Variants in ANKDD1B observed in about 807,000 individuals in gnomAD.
ANKDD1B encodes the protein ankyrin repeat and death domain-containing protein 1B.
ANKDD1B carries 57 observed loss-of-function variants against 59.7 expected under a neutral mutation model. The observed-to-expected ratio is 0.95, with a 90% CI of 0.77 to 1.19. The LOEUF (loss-of-function observed/expected upper bound fraction) is 1.19, where lower values mean the gene tolerates loss of function less well. ANKDD1B is among the 50% of genes most tolerant of loss of function. The probability of loss-of-function intolerance (pLI) is 0.00; values close to 1 mark genes in which losing one functional copy is unlikely to be tolerated. For missense variants in ANKDD1B, 602 were observed against 641.9 expected, an observed-to-expected ratio of 0.94 and a Z score of 0.67; for synonymous variants, 216 against 239.5, an observed-to-expected ratio of 0.90 and a Z score of 0.91.
chr5:75,661,917 T>TTC (rs1363593021), intron 10 of ANKDD1B, among the ~76,000 whole-genome samples: 1 of 149,914 alleles, frequency 6.7e-6, no homozygotes, highest in Non-Finnish European at 1.5e-5. Flanking sequence ...TTTTTTTTTT[T>TTC]TTTTTTTGCC....
chr5:75,659,405 T>C, intron 10 of ANKDD1B, 24 bp downstream of exon 10: 1 of 1,483,796 alleles, frequency 6.7e-7, no homozygotes, highest in Non-Finnish European at 9.1e-7. Flanking sequence ...CTTTACTCCA[T>C]TCAGCTGAGA....
intron 7 of ANKDD1B, among the ~76,000 whole-genome samples, chr5:75,636,546 A>T (rs1774309545): frequency 6.6e-6 from 1 of 152,154 alleles, no homozygotes; most frequent in Non-Finnish European, 1.5e-5. Context: ...GCCAGCAGAT[A>T]CCTTGAAGGG....
At chr5:75,628,828 C>A (rs746872059) in intron 5 of ANKDD1B, among the ~76,000 whole-genome samples, 10 of 152,286 alleles carry the variant, frequency 6.6e-5, no homozygotes, top group African/African-American at 2.4e-4. Flanking sequence ...GAGATTAGAG[C>A]AGCCAGGAGT....
chr5:75,620,104 T>C (rs1425243848), intron 2 of ANKDD1B, among the ~76,000 whole-genome samples: 1 of 152,196 alleles, frequency 6.6e-6, no homozygotes, highest in East Asian at 1.9e-4. Flanking sequence ...TGTCCTTCAG[T>C]GGACTGCCAA....
At chr5:75,636,888 T>C (rs565066831) in intron 7 of ANKDD1B, among the ~76,000 whole-genome samples, 21 of 152,060 alleles carry the variant, frequency 1.4e-4, no homozygotes, top group African/African-American at 5.1e-4. Context: ...TAATGAGGGC[T>C]TGAATGGGTT....
At chr5:75,661,136 C>T (rs1775126928) in intron 10 of ANKDD1B, among the ~76,000 whole-genome samples, 1 of 150,644 alleles carries the variant, frequency 6.6e-6, no homozygotes, top group Non-Finnish European at 1.5e-5. Context: ...CGGTGGCTCA[C>T]ACCTGTAATC....
At chr5:75,638,095 T>C (rs1317838650) in intron 7 of ANKDD1B, among the ~76,000 whole-genome samples, 1 of 152,198 alleles carries the variant, frequency 6.6e-6, no homozygotes, top group Non-Finnish European at 1.5e-5. Context: ...GACACAAATA[T>C]TCAAACCAGA....
At position 75,648,271 on chromosome 5, in the gene ANKDD1B, A is replaced by AAAAAAAAAATT. The variant is rs1397902903; in HGVS notation, c.799-4862_799-4861insTTAAAAAAAAA. On this transcript the variant is annotated intron_variant, in intron 7 of 13. Coordinates refer to ENST00000601380, the MANE Select transcript of ANKDD1B (RefSeq NM_001276713.2). ...GTATAATTAAAAAAAAAAAATTAAA[A>AAAAAAAAAATT]AAAAAAAAAAAAGAATTCATGGGAG... Among the ~76,000 whole-genome samples, 253 of 49,150 alleles carry AAAAAAAAAATT rather than the reference A, an allele frequency of 5.1e-3. 1 individual carries two copies. The highest frequency in any genetic ancestry group is 0.021 in the Middle Eastern group (1 of 48). The allele number at this position is 49,150 out of a possible 152,430, so 32.2% of individuals were successfully genotyped here. A position where few individuals can be genotyped will look rare whatever the true frequency, so the allele number is the denominator to read the frequency against.
chr5:75,668,102 A>T (rs1775360054), intron 12 of ANKDD1B, among the ~76,000 whole-genome samples: 1 of 152,192 alleles, frequency 6.6e-6, no homozygotes, highest in South Asian at 2.1e-4. Flanking sequence ...CTCTAACTTG[A>T]CCTAAAGAGA....
intron 3 of ANKDD1B, among the ~76,000 whole-genome samples, chr5:75,624,470 C>G (rs1773935307): frequency 6.6e-6 from 1 of 152,190 alleles, no homozygotes. Context: ...ATTTGGTAGA[C>G]AAGTCAGCAT....
chr5:75,634,961 A>AC lies in ANKDD1B; in HGVS notation c.666dup (p.Phe223LeufsTer41). On this transcript the variant is annotated frameshift_variant, in exon 6 of 14. Transcript: ENST00000601380. LOFTEE classifies it high-confidence loss of function. Reference sequence around the variant, plus strand: ...CCATGTTGAAATGATAGAAAAACTTACCTTCCTAAACCTGCATACTTCAGA... The same window carrying AC: ...CCATGTTGAAATGATAGAAAAACTTACCCTTCCTAAACCTGCATACTTCAGA... 2 of 1,535,382 alleles carry AC rather than the reference A, an allele frequency of 1.3e-6. No homozygotes were observed. Among genetic ancestry groups the AC allele is most frequent in the Non-Finnish European group, 1.7e-6 (2 of 1,146,212 alleles).
At chr5:75,629,445 G>C (rs958463167) in intron 5 of ANKDD1B, among the ~76,000 whole-genome samples, 2 of 152,128 alleles carry the variant, frequency 1.3e-5, no homozygotes, top group Non-Finnish European at 2.9e-5. Context: ...ACATCTCAGG[G>C]ATCCCTGTGG....
intron 9 of ANKDD1B, among the ~76,000 whole-genome samples, chr5:75,658,807 CATTTTAACCATCT>C (rs1415247464): frequency 1.3e-5 from 2 of 152,046 alleles, no homozygotes; most frequent in Non-Finnish European, 2.9e-5. Context: ...TAAAATCCAC[CATTTTAACCATCT>C]TAAGTGTACA....
At chr5:75,649,694 C>G (rs766577290) in intron 7 of ANKDD1B, among the ~76,000 whole-genome samples, 5 of 152,176 alleles carry the variant, frequency 3.3e-5, no homozygotes, top group Admixed American at 1.3e-4. Context: ...GTCACCTTAT[C>G]CAAGAAGGCT....
chr5:75,628,116 T>G (rs1774040344), intron 5 of ANKDD1B, among the ~76,000 whole-genome samples: 1 of 152,146 alleles, frequency 6.6e-6, no homozygotes, highest in South Asian at 2.1e-4. Flanking sequence ...ACTAAATTGA[T>G]GAATAGAAAA....
intron 5 of ANKDD1B, 47 bp from the exon 6 acceptor site, chr5:75,634,851 T>C (rs1405613005): frequency 8.1e-7 from 1 of 1,228,118 alleles, no homozygotes; most frequent in East Asian, 2.5e-5. Flanking sequence ...GTCTTGCTTG[T>C]TCACTAAGAC....
chr5:75,655,195 G>T (rs1305537143), intron 8 of ANKDD1B, among the ~76,000 whole-genome samples: 1 of 152,210 alleles, frequency 6.6e-6, no homozygotes, highest in Non-Finnish European at 1.5e-5. Flanking sequence ...TAGCAGGGCT[G>T]GGTAAGAAGC....
chr5:75,666,922 AGTG>A lies in ANKDD1B; in HGVS notation c.1324_1326del (p.Trp442del). ...GCTTACCATCAGCTGAAGGCCAATG[AGTG>A]GCAGAGGCTGGCCCGTTCGTGGAAC... On this transcript the variant is annotated inframe_deletion, in exon 12 of 14. Coordinates refer to ENST00000601380, the MANE Select transcript of ANKDD1B (RefSeq NM_001276713.2). 6.5e-7 allele frequency: 1 copy of A among 1,530,988 alleles called. No individual in the cohort carries two copies. The highest frequency in any genetic ancestry group is 1.2e-5 in the South Asian group (1 of 83,208). 94.8% of individuals were successfully genotyped at this position (1,530,988 alleles called of 1,614,324 possible).
chr5:75,642,709 AAGC>A (rs1196934643), intron 7 of ANKDD1B, among the ~76,000 whole-genome samples: 6 of 101,960 alleles, frequency 5.9e-5, no homozygotes, highest in Admixed American at 2.8e-4. Flanking sequence ...TAGGTAAACA[AAGC>A]AGCCGGGAAG....
Sources: gnomAD v4.1 joint callset for allele counts (sites outside exome capture counted in the v4.1 genomes callset) on GRCh38, gnomAD v4.1.1 for gene constraint, MANE v1.5 for transcripts, NCBI Gene and HGNC (gene_info 2026-07-23, HGNC 2026-07-21) for gene names.